Variants in SRL observed in about 807,000 individuals in gnomAD.
SRL encodes the protein sarcalumenin.
A neutral mutation model predicts 39.5 loss-of-function variants in SRL; 23 were observed. The observed-to-expected ratio is 0.58, with a 90% CI of 0.42 to 0.82. SRL has a LOEUF of 0.82. Ranked by LOEUF, SRL falls within the 40% of genes least tolerant of loss-of-function variation. The pLI is 0.00. For missense variants in SRL, 592 were observed against 607.8 expected, an observed-to-expected ratio of 0.97 and a Z score of 0.27; for synonymous variants, 272 against 237.4, an observed-to-expected ratio of 1.15 and a Z score of -1.34.
chr16:4,232,516 A>AT (rs988834327), intron 1 of SRL, among the ~76,000 whole-genome samples: 250 of 146,194 alleles, frequency 1.7e-3, no homozygotes, highest in Middle Eastern at 7.0e-3. Flanking sequence ...ATCTAGACGA[A>AT]TTTTTTTTTT....
intron 1 of SRL, among the ~76,000 whole-genome samples, chr16:4,225,499 G>A (rs879649289): frequency 2.0e-5 from 3 of 152,088 alleles, no homozygotes; most frequent in Non-Finnish European, 4.4e-5. Flanking sequence ...TGGGAGGATC[G>A]CCTGAGCCCG....
chr16:4,219,124 C>T (rs2052492800), intron 1 of SRL, among the ~76,000 whole-genome samples: 1 of 150,910 alleles, frequency 6.6e-6, no homozygotes, highest in Non-Finnish European at 1.5e-5. Flanking sequence ...CTCTTTAGCC[C>T]AACTCTTTCT....
chr16:4,228,464 A>G (rs151014654), intron 1 of SRL, among the ~76,000 whole-genome samples: 6,962 of 152,146 alleles, frequency 0.046, 463 homozygotes, highest in African/African-American at 0.15. Context: ...GGCTGGACGC[A>G]GTGGCTCACA....
At chr16:4,226,315 TGAATG>T (rs2052588303) in intron 1 of SRL, among the ~76,000 whole-genome samples, 2 of 152,048 alleles carry the variant, frequency 1.3e-5, no homozygotes, top group Non-Finnish European at 2.9e-5. Flanking sequence ...GATGGATGAA[TGAATG>T]GAAGGATGGA....
At chr16:4,194,724 C>G (rs1283769590) in intron 5 of SRL, among the ~76,000 whole-genome samples, 5 of 152,044 alleles carry the variant, frequency 3.3e-5, no homozygotes, top group Non-Finnish European at 5.9e-5. Context: ...GTCTCCAAAC[C>G]AAATCAGTCC....
rs114350144 is a variant in SRL, at chr16:4,208,440, G to A, written c.62-3806C>T. Reference sequence around the variant, plus strand: ...CCTTCAAGCTTCCGGGCTTGGTCCTGATGACTGTATATGGAGGGAAAGTTG... The same window carrying A: ...CCTTCAAGCTTCCGGGCTTGGTCCTAATGACTGTATATGGAGGGAAAGTTG... On this transcript the variant is annotated intron_variant, in intron 1 of 5. Transcript: ENST00000399609. Among the ~76,000 whole-genome samples the A allele has an allele frequency of 3.0e-3, 459 of 152,194 alleles. 2 individuals are homozygous for A. Among genetic ancestry groups the A allele is most frequent in the African/African-American group, 0.01 (430 of 41,504 alleles).
intron 1 of SRL, among the ~76,000 whole-genome samples, chr16:4,239,363 G>A (rs7200979): frequency 0.061 from 9,281 of 152,308 alleles, 445 homozygotes; most frequent in African/African-American, 0.12. Context: ...TGAAGCTAGG[G>A]CTGGAGGTGG....
intron 1 of SRL, among the ~76,000 whole-genome samples, chr16:4,237,634 C>T (rs985314163): frequency 1.3e-4 from 20 of 152,104 alleles, no homozygotes; most frequent in Non-Finnish European, 1.5e-5. Context: ...GAACACGTCC[C>T]GCCACCCCAC....
chr16:4,209,248 G>A (rs1163156698), intron 1 of SRL, among the ~76,000 whole-genome samples: 5 of 152,006 alleles, frequency 3.3e-5, no homozygotes, highest in Non-Finnish European at 7.4e-5. Flanking sequence ...ACTCCAGGCT[G>A]GGCGACAGAG....
intron 2 of SRL, among the ~76,000 whole-genome samples, chr16:4,203,833 T>G (rs6500586): frequency 9.2e-5 from 14 of 152,202 alleles, no homozygotes; most frequent in Non-Finnish European, 1.9e-4. Context: ...GTGTGCTCCC[T>G]GAGGCTTAGA....
At chr16:4,223,059 A>C (rs1464253537) in intron 1 of SRL, among the ~76,000 whole-genome samples, 2 of 151,802 alleles carry the variant, frequency 1.3e-5, no homozygotes, top group Non-Finnish European at 2.9e-5. Flanking sequence ...GTAAAACCCC[A>C]TCTCTACTAA....
chr16:4,223,103 G>C (rs542463165), intron 1 of SRL, among the ~76,000 whole-genome samples: 1 of 151,566 alleles, frequency 6.6e-6, no homozygotes, highest in South Asian at 2.1e-4. Context: ...ATGGTGACGG[G>C]CGCCTGTAGT....
In SRL at chr16:4,221,279, C is replaced by T. The variant is rs901275680; in HGVS notation, c.62-16645G>A. Among the ~76,000 whole-genome samples the T allele has an allele frequency of 7.2e-5, 11 of 152,158 alleles. 1 individual carries two copies. The South Asian group carries it at 1.9e-3, about 26-fold the overall frequency. On this transcript the variant is annotated intron_variant, in intron 1 of 5. Coordinates refer to ENST00000399609, the MANE Select transcript of SRL (RefSeq NM_001098814.2). ...AGCCAGGATGGTCTCGATCTCCTGA[C>T]CTCGTGATCTGCCTGCCTCAGCCTC...
At position 4,231,263 on chromosome 16, in the gene SRL, C is replaced by T. The variant is rs186590845; in HGVS notation, c.61+10744G>A. Among the ~76,000 whole-genome samples, 361 of 152,274 alleles carry T rather than the reference C, an allele frequency of 2.4e-3. 1 individual carries two copies. The highest frequency in any genetic ancestry group is 7.5e-3 in the African/African-American group (311 of 41,546). Reference sequence around the variant, plus strand: ...CCCGGGAGGCAGAGATTGCAGTGAGCAGAGATTGCACCACTGCACTCCAGC... The same window carrying T: ...CCCGGGAGGCAGAGATTGCAGTGAGTAGAGATTGCACCACTGCACTCCAGC... On this transcript the variant is annotated intron_variant, in intron 1 of 5. Transcript: ENST00000399609.
chr16:4,211,345 T>C (rs1385842750), intron 1 of SRL, among the ~76,000 whole-genome samples: 5 of 152,318 alleles, frequency 3.3e-5, no homozygotes, highest in Admixed American at 1.3e-4. Context: ...GCATTTGCCT[T>C]TGGAACAGCA....
chr16:4,226,551 A>C (rs1444101118), intron 1 of SRL, among the ~76,000 whole-genome samples: 2 of 151,454 alleles, frequency 1.3e-5, no homozygotes, highest in African/African-American at 4.8e-5. Flanking sequence ...GGACACATAG[A>C]TGGAAAGATG....
At chr16:4,206,808 C>T (rs571721176) in intron 1 of SRL, 47 of 456,790 alleles carry the variant, frequency 1.0e-4, no homozygotes, top group Non-Finnish European at 1.4e-4. Context: ...GGTCTCACTG[C>T]CCATGGACTC....
At position 4,208,915 on chromosome 16, in the gene SRL, G is replaced by T. The variant is rs919172823; in HGVS notation, c.62-4281C>A. 5.9e-5 allele frequency among the ~76,000 whole-genome samples: 9 copies of T among 152,160 alleles called. No homozygotes were observed. In the East Asian group the frequency reaches 1.5e-3, roughly 26 times the overall value. ...GAGCAGAGGGCCCAGGAAGAGAGAA[G>T]AGTAGGGGCCTCATCTGTGCCAGAG... On this transcript the variant is annotated intron_variant, in intron 1 of 5. Coordinates refer to ENST00000399609, the MANE Select transcript of SRL (RefSeq NM_001098814.2).
Position 4,190,313 on chromosome 16 carries a change from C to A in SRL, c.*1840G>T, listed in dbSNP as rs371222902. The A allele has an allele frequency of 6.3e-5, 25 of 399,106 alleles. No individual in the cohort carries two copies. The highest frequency in any genetic ancestry group is 4.7e-4 in the African/African-American group (23 of 48,646). 24.7% of individuals were successfully genotyped at this position (399,106 alleles called of 1,614,324 possible). A position where few individuals can be genotyped will look rare whatever the true frequency, so the allele number is the denominator to read the frequency against. The stretch of plus-strand genomic sequence containing the variant: ...AGTGCCTCTCCCTCTGCCTGCCTTT[C>A]CACTGTCCTGGGTCCAGGATGACTT... On this transcript the variant is annotated 3_prime_UTR_variant, in exon 6 of 6. Coordinates refer to ENST00000399609, the MANE Select transcript of SRL (RefSeq NM_001098814.2).
Sources: gnomAD v4.1 joint callset for allele counts (sites outside exome capture counted in the v4.1 genomes callset) on GRCh38, gnomAD v4.1.1 for gene constraint, MANE v1.5 for transcripts, NCBI Gene and HGNC (gene_info 2026-07-23, HGNC 2026-07-21) for gene names.